Variants in LRP2 observed in about 807,000 individuals in gnomAD.
LRP2 encodes LDL receptor related protein 2.
Under a neutral mutation model 531.0 loss-of-function variants are expected in LRP2, and 172 were observed. The ratio of observed to expected loss-of-function variants is 0.32; its 90% CI spans 0.29 to 0.37. LRP2 has a LOEUF of 0.37. LRP2 is among the 10% of genes least tolerant of loss of function. The probability of loss-of-function intolerance (pLI) is 1.00; values close to 1 mark genes in which losing one functional copy is unlikely to be tolerated. For missense variants in LRP2, 5,167 were observed against 5,868.3 expected (o/e 0.88, Z 3.90); for synonymous variants, 1,992 against 2,027.6 (o/e 0.98, Z 0.47).
Position 169,241,236 on chromosome 2 carries a change from C to T in LRP2, c.3797G>A (p.Cys1266Tyr), listed in dbSNP as rs765588358. The T allele has an allele frequency of 6.2e-7, 1 of 1,614,188 alleles. No individual in the cohort carries two copies. Among genetic ancestry groups the T allele is most frequent in the Non-Finnish European group, 8.5e-7 (1 of 1,180,034 alleles). The change falls in exon 25 of 79, where the codon TGT becomes TAT. Residue 1266 changes from cysteine to tyrosine, a missense_variant. Cys to Tyr is a radical substitution (Grantham distance 194). Around this residue, in one of 6 missense-constraint regions of LRP2, gnomAD observed 2,811 missense variants for 3,058.0 expected, o/e 0.92. Coordinates refer to ENST00000649046, the MANE Select transcript of LRP2 (RefSeq NM_004525.3). ...TGATGAAGGGCAAGTCTTGGGGACA[C>T]AGGCATTGTGCTCATCAGATCCATA... ...CLYGSDEHNA[C>Y]VPKTCPSSYF...
chr2:169,242,538 TC>T (rs139479340), intron 24 of LRP2, among the ~76,000 whole-genome samples: 7,447 of 152,314 alleles, frequency 0.049, 249 homozygotes, highest in Non-Finnish European at 0.078. Context: ...AATGAATTCA[TC>T]AGAGTCAATA....
chr2:169,284,017 A>G (rs1010697905), intron 9 of LRP2, among the ~76,000 whole-genome samples: 32 of 152,218 alleles, frequency 2.1e-4, no homozygotes, highest in African/African-American at 6.7e-4. Context: ...TGACCTATAC[A>G]AACTATAACA....
intron 34 of LRP2, among the ~76,000 whole-genome samples, chr2:169,217,092 C>T (rs141047183): frequency 1.3e-5 from 2 of 152,236 alleles, no homozygotes; most frequent in East Asian, 3.9e-4. Flanking sequence ...TTGCCAAATC[C>T]ATGATATATG....
At position 169,294,244 on chromosome 2, in the gene LRP2, T is replaced by C. The variant is rs1005275061; in HGVS notation, c.556A>G (p.Asn186Asp). Residue 186 changes from asparagine (N) to aspartate (D), a missense_variant, in exon 6 of 79, where the codon AAT becomes GAT. By Grantham distance (23) the Asn-to-Asp change is conservative. This residue lies in a region of LRP2 where 2,811 missense variants were observed against 3,058.0 expected (regional missense o/e 0.92). Transcript: ENST00000649046. ...TCTCCATTGCCACATGAAAACTCAT[T>C]GTGCAAGCATATCTCAGCTGCAACA... ...EINCTEICLH[N>D]EFSCGNGECI... 1 of 1,607,432 alleles carries C rather than the reference T, an allele frequency of 6.2e-7. No individual in the cohort carries two copies. The highest frequency in any genetic ancestry group is 8.5e-7 in the Non-Finnish European group (1 of 1,174,014).
chr2:169,186,612 T>C (rs1315919993), intron 49 of LRP2, among the ~76,000 whole-genome samples: 1 of 152,204 alleles, frequency 6.6e-6, no homozygotes. Flanking sequence ...GCAAAATCCA[T>C]TATCCAAATA....
rs150395163 is a variant in LRP2, at chr2:169,246,795, T to C, written c.3100A>G (p.Lys1034Glu). 1.9e-4 allele frequency: 302 copies of C among 1,614,204 alleles called. No homozygotes were observed. In the African/African-American group the frequency reaches 3.7e-3, roughly 20 times the overall value. Residue 1034 changes from lysine to glutamate, a missense_variant, in exon 21 of 79, where the codon AAA (lysine) becomes GAA (glutamate). Physicochemically the swap from Lys to Glu is moderately conservative, Grantham distance 56. Coordinates refer to ENST00000649046, the MANE Select transcript of LRP2 (RefSeq NM_004525.3). ...EQCGLFSFPCKNGRCVPNYYL... is the reference protein window; with the variant it reads ...EQCGLFSFPCENGRCVPNYYL... Reference sequence around the variant, plus strand: ...TAATTGGGCACACATCTGCCATTTTTACAGGGGAAGGAAAATAAGCCACAC... The same window carrying C: ...TAATTGGGCACACATCTGCCATTTTCACAGGGGAAGGAAAATAAGCCACAC...
intron 37 of LRP2, among the ~76,000 whole-genome samples, chr2:169,210,179 C>A (rs1218267915): frequency 6.6e-6 from 1 of 152,106 alleles, no homozygotes; most frequent in African/African-American, 2.4e-5. Flanking sequence ...ATTTTGCAAT[C>A]CTCGATTAAA....
At position 169,341,345 on chromosome 2, in the gene LRP2, A is replaced by C. The variant is rs72880453; in HGVS notation, c.80-20461T>G. 4.6e-5 allele frequency among the ~76,000 whole-genome samples: 7 copies of C among 152,234 alleles called. No individual in the cohort carries two copies. In the South Asian group the frequency reaches 1.5e-3, roughly 32 times the overall value. On this transcript the variant is annotated intron_variant, in intron 1 of 78. Transcript: ENST00000649046. ...AAAAATTAAAATTAAAATTAAAATA[A>C]ATTTGCAAGATCTTTGACACCCTCT...
chr2:169,129,152 G>A (rs1685196937), intron 77 of LRP2, 68 bp from the exon 78 acceptor site: 1 of 1,152,196 alleles, frequency 8.7e-7, no homozygotes, highest in Admixed American at 1.7e-5. Context: ...TTTTCCTCCT[G>A]TCTCAGTTTT....
chr2:169,358,365 A>C (rs1460918017), intron 1 of LRP2, among the ~76,000 whole-genome samples: 2 of 152,160 alleles, frequency 1.3e-5, no homozygotes, highest in Admixed American at 6.5e-5. Context: ...AGAAAAAAAA[A>C]ATGCAAGCAG....
intron 1 of LRP2, among the ~76,000 whole-genome samples, chr2:169,323,087 T>C (rs1046341400): frequency 2.0e-5 from 3 of 152,134 alleles, no homozygotes; most frequent in African/African-American, 7.2e-5. Flanking sequence ...TCAAAGTCAA[T>C]TATTTAAAAT....
At chr2:169,338,359 G>GGAAAGAAAGAAAGAAAGAAAGAAAGAAA (rs869084371) in intron 1 of LRP2, among the ~76,000 whole-genome samples, 15 of 76,636 alleles carry the variant, frequency 2.0e-4, no homozygotes, top group East Asian at 4.7e-4. Flanking sequence ...AAAGAAAGAA[G>GGAAAGAAAGAAAGAAAGAAAGAAAGAAA]GAAAGAAAGA....
At chr2:169,357,280 TTTTA>T (rs1293951081) in intron 1 of LRP2, among the ~76,000 whole-genome samples, 71 of 146,868 alleles carry the variant, frequency 4.8e-4, no homozygotes, top group African/African-American at 1.6e-3. Context: ...TTTTTTTCTT[TTTTA>T]TTTATTTTTA....
chr2:169,294,495 G>T, intron 5 of LRP2, 105 bp downstream of exon 5: 1 of 880,732 alleles, frequency 1.1e-6, no homozygotes, highest in Non-Finnish European at 1.9e-6. Context: ...CTACCAACAT[G>T]AATTCACTGA....
intron 33 of LRP2, among the ~76,000 whole-genome samples, chr2:169,224,246 G>GCT (rs1689121507): frequency 6.6e-6 from 1 of 152,190 alleles, no homozygotes; most frequent in Non-Finnish European, 1.5e-5. Context: ...GATTGTCAGG[G>GCT]CTCTGCTAAC....
intron 31 of LRP2, among the ~76,000 whole-genome samples, chr2:169,229,780 C>A (rs1380871582): frequency 1.3e-5 from 2 of 152,096 alleles, no homozygotes; most frequent in East Asian, 3.8e-4. Flanking sequence ...TTTTACAAGG[C>A]CAATATTGTG....
chr2:169,166,457 G>A (rs540313997), intron 61 of LRP2, among the ~76,000 whole-genome samples: 11 of 152,326 alleles, frequency 7.2e-5, no homozygotes, highest in Admixed American at 3.3e-4. Context: ...TAAAGGCCTC[G>A]GTGGCTGGAG....
intron 41 of LRP2, among the ~76,000 whole-genome samples, chr2:169,205,080 G>A (rs1263983809): frequency 6.6e-6 from 1 of 150,700 alleles, no homozygotes; most frequent in African/African-American, 2.4e-5. Context: ...GACATTGAAT[G>A]CTAAAGCCCA....
chr2:169,254,654 A>AC (rs1179452455), intron 19 of LRP2, among the ~76,000 whole-genome samples: 3 of 142,772 alleles, frequency 2.1e-5, no homozygotes, highest in Non-Finnish European at 3.1e-5. Flanking sequence ...AAAAAAAAAA[A>AC]AAAACAGCAA....
Sources: allele counts gnomAD v4.1 joint callset (sites outside exome capture counted in the v4.1 genomes callset), GRCh38; gene constraint gnomAD v4.1.1; regional missense constraint gnomAD v4.1.1; transcripts MANE v1.5; gene names NCBI Gene and HGNC (gene_info 2026-07-23, HGNC 2026-07-21).